The following IQANK1 variants were observed in gnomAD, a reference collection of about 807,000 sequenced individuals.
IQANK1 encodes IQ motif and ankyrin repeat domain-containing protein 1.
A neutral mutation model predicts 22.6 loss-of-function variants in IQANK1; 30 were observed. The observed-to-expected ratio is 1.33, with a 90% CI of 0.99 to 1.80. The LOEUF (loss-of-function observed/expected upper bound fraction) is 1.80. IQANK1 is among the 40% of genes most tolerant of loss of function. The probability of loss-of-function intolerance (pLI) is 0.00; values close to 1 mark genes in which losing one functional copy is unlikely to be tolerated. For missense variants in IQANK1, 275 were observed against 235.2 expected (o/e 1.17, Z -1.11); for synonymous variants, 122 against 99.6 (o/e 1.23, Z -1.34).
chr8:143,766,590 G>A (rs1554629241), intron 3 of IQANK1, among the ~76,000 whole-genome samples: 5 of 152,028 alleles, frequency 3.3e-5, no homozygotes. Context: ...AGAATCGCTT[G>A]AACCCGGGAG....
chr8:143,779,269 G>A (rs191647750), intron 7 of IQANK1, among the ~76,000 whole-genome samples: 6 of 151,910 alleles, frequency 3.9e-5, no homozygotes, highest in Middle Eastern at 3.4e-3. Context: ...ATTCATACAC[G>A]CATTCATGCT....
At chr8:143,777,990 C>T (rs1224143694) in intron 7 of IQANK1, among the ~76,000 whole-genome samples, 3 of 152,040 alleles carry the variant, frequency 2.0e-5, no homozygotes, top group Non-Finnish European at 2.9e-5. Flanking sequence ...GTCAGAAGAT[C>T]GAGACCATCC....
intron 3 of IQANK1, among the ~76,000 whole-genome samples, chr8:143,749,962 C>T (rs1230931142): frequency 4.6e-5 from 7 of 150,868 alleles, no homozygotes; most frequent in African/African-American, 7.3e-5. Context: ...TAATGTCCTT[C>T]TTTGTCTCTT....
rs1457089534 is a variant in IQANK1 at position 143,758,281 on chromosome 8, A to C, written c.176-13207A>C. ...GGAGTTCGAGGCCAGCCTGACCAAC[A>C]TGGAGAAACTTCGTCTCTACTGAAA... is the stretch of plus-strand genomic sequence containing the variant. On this transcript the variant is annotated intron_variant, in intron 3 of 13. Coordinates refer to ENST00000527139, the MANE Select transcript of IQANK1 (RefSeq NM_001381874.1). The surrounding 1 kb of genome is among the most constrained non-coding windows in gnomAD (Gnocchi z 4.2). 1 of 152,266 alleles carries C rather than the reference A, an allele frequency of 6.6e-6. No homozygotes were observed. Among genetic ancestry groups the C allele is most frequent in the Admixed American group, 6.6e-5 (1 of 15,266 alleles). 9.4% of individuals were successfully genotyped at this position (152,266 alleles called of 1,614,324 possible). A position where few individuals can be genotyped will look rare whatever the true frequency, so the allele number is the denominator to read the frequency against.
chr8:143,741,735 C>T (rs546414004), intron 3 of IQANK1: 222 of 153,316 alleles, frequency 1.4e-3, no homozygotes, highest in Non-Finnish European at 2.4e-3. Flanking sequence ...GCTGACTCAG[C>T]GCTTTCTGTG....
In IQANK1 at chr8:143,771,667, G is replaced by A; in HGVS notation, c.306+49G>A. 2.5e-6 allele frequency: 1 copy of A among 399,644 alleles called. No homozygotes were observed. Among genetic ancestry groups the A allele is most frequent in the East Asian group, 3.6e-5 (1 of 28,024 alleles). 24.8% of individuals were successfully genotyped at this position (399,644 alleles called of 1,614,324 possible). ...CCGGGGGCCAGGCAGGAGGCAGGGG[G>A]AGGAAATGGCGAAGCAGGGTGCGTG... On this transcript the variant is annotated intron_variant, in intron 4 of 13. Transcript: ENST00000527139. This position sits in a 1 kb window ranked among gnomAD's most constrained non-coding sequence, Gnocchi z 6.0.
At chr8:143,769,160 A>G (rs979708367) in intron 3 of IQANK1, among the ~76,000 whole-genome samples, 3 of 151,958 alleles carry the variant, frequency 2.0e-5, no homozygotes, top group Non-Finnish European at 1.5e-5. Flanking sequence ...CCTGGGCTCA[A>G]GCCATCTTCC....
At chr8:143,784,964 T>C (rs1554631198) in intron 7 of IQANK1, among the ~76,000 whole-genome samples, 2 of 152,260 alleles carry the variant, frequency 1.3e-5, no homozygotes, top group African/African-American at 2.4e-5. Context: ...TCTTGTGACA[T>C]GTCTTTCAGT....
intron 7 of IQANK1, among the ~76,000 whole-genome samples, chr8:143,788,051 C>T (rs1200446387): frequency 6.6e-6 from 1 of 152,190 alleles, no homozygotes; most frequent in Non-Finnish European, 1.5e-5. Flanking sequence ...AGTCTCCCTG[C>T]CCCACCCGGC....
chr8:143,782,359 G>C (rs1288644328), intron 7 of IQANK1, among the ~76,000 whole-genome samples: 3 of 152,226 alleles, frequency 2.0e-5, no homozygotes, highest in Admixed American at 6.5e-5. Context: ...GAATAGGAGT[G>C]ATGGGAGAGA....
chr8:143,748,553 T>G (rs1489232280), intron 3 of IQANK1, among the ~76,000 whole-genome samples: 1 of 134,618 alleles, frequency 7.4e-6, no homozygotes, highest in African/African-American at 2.8e-5. Context: ...TATATAAATA[T>G]AGATATATAT....
In IQANK1 at chr8:143,782,109, C is replaced by T. The variant is rs552801011; in HGVS notation, c.790-6806C>T. Among the ~76,000 whole-genome samples the T allele has an allele frequency of 8.5e-5, 13 of 152,266 alleles. No individual in the cohort carries two copies. The South Asian group carries it at 1.2e-3, about 15-fold the overall frequency. On this transcript the variant is annotated intron_variant, in intron 7 of 13. Coordinates refer to ENST00000527139, the MANE Select transcript of IQANK1 (RefSeq NM_001381874.1). ...GGGATTGCCTTTCTGATTTGGCATTCGGCTTGGCTGTTGCTGGTGTATAGG... is the reference window on the plus strand; with the variant it reads ...GGGATTGCCTTTCTGATTTGGCATTTGGCTTGGCTGTTGCTGGTGTATAGG...
At position 143,749,186 on chromosome 8, in the gene IQANK1, TATATATCATATATAA is replaced by T. The variant is rs1374260530; in HGVS notation, c.175+9253_175+9267del. Among the ~76,000 whole-genome samples the T allele has an allele frequency of 5.7e-5, 7 of 123,366 alleles. No individual in the cohort carries two copies. The South Asian group carries it at 1.2e-3, about 21-fold the overall frequency. 80.9% of individuals were successfully genotyped at this position (123,366 alleles called of 152,430 possible). ...TATATCAATATATATAATATATAAATATATATCATATATAAATATATCATATATATCATATATAAA... is the reference window on the plus strand; with the variant it reads ...TATATCAATATATATAATATATAAATATATATCATATATATCATATATAAA... On this transcript the variant is annotated intron_variant, in intron 3 of 13. Coordinates refer to ENST00000527139, the MANE Select transcript of IQANK1 (RefSeq NM_001381874.1).
intron 3 of IQANK1, among the ~76,000 whole-genome samples, chr8:143,748,241 C>T (rs547655505): frequency 7.9e-4 from 119 of 151,484 alleles, no homozygotes; most frequent in African/African-American, 2.6e-3. Context: ...GTGATCTACC[C>T]GACTTGGCTT....
chr8:143,735,842 C>A lies in IQANK1; in HGVS notation c.-4-8C>A, dbSNP rs1554625582. 5.7e-6 allele frequency: 4 copies of A among 702,084 alleles called. No individual in the cohort carries two copies. In the South Asian group the frequency reaches 5.9e-5, roughly 10 times the overall value. The allele number at this position is 702,084 out of a possible 1,614,324, so 43.5% of individuals were successfully genotyped here. On this transcript the variant is annotated splice_region_variant and splice_polypyrimidine_tract_variant and intron_variant, in intron 1 of 13. Transcript: ENST00000527139. This position sits in a 1 kb window ranked among gnomAD's most constrained non-coding sequence, Gnocchi z 5.2. ...CCTCTCCCTGGTCCTTCCCTACCCA[C>A]CCCCCAGGAGAATGGACAGTAAGAA...
intron 3 of IQANK1, 30 bp downstream of exon 3, chr8:143,739,978 G>C (rs889505952): frequency 1.5e-6 from 1 of 676,604 alleles, no homozygotes; most frequent in African/African-American, 1.8e-5. Context: ...GCGCCGCTGT[G>C]GGTGACCGGG....
intron 7 of IQANK1, among the ~76,000 whole-genome samples, chr8:143,780,876 C>T (rs192051592): frequency 1.3e-5 from 2 of 152,220 alleles, no homozygotes; most frequent in African/African-American, 4.8e-5. Context: ...GGTAGTTCTG[C>T]TTTTAGGTCT....
rs1402876567 is a variant in IQANK1, at chr8:143,771,091, C to G, written c.176-397C>G. On this transcript the variant is annotated intron_variant, in intron 3 of 13. Coordinates refer to ENST00000527139, the MANE Select transcript of IQANK1 (RefSeq NM_001381874.1). The surrounding 1 kb of genome is among the most constrained non-coding windows in gnomAD (Gnocchi z 6.0). The stretch of plus-strand genomic sequence containing the variant: ...GTGATGAGCCCTCCCAGGCCTGGGG[C>G]CCCCCCGCTCAGTCCAGCCTTCGCT... 6.6e-6 allele frequency among the ~76,000 whole-genome samples: 1 copy of G among 151,966 alleles called. No individual in the cohort carries two copies. The highest frequency in any genetic ancestry group is 1.5e-5 in the Non-Finnish European group (1 of 67,980).
intron 7 of IQANK1, among the ~76,000 whole-genome samples, chr8:143,786,298 T>A (rs1434525890): frequency 6.6e-6 from 1 of 152,202 alleles, no homozygotes; most frequent in African/African-American, 2.4e-5. Flanking sequence ...CTTCAGAGAT[T>A]AAGATGATTT....
Sources: allele counts gnomAD v4.1 joint callset (sites outside exome capture counted in the v4.1 genomes callset), GRCh38; gene constraint gnomAD v4.1.1; non-coding constraint Gnocchi (gnomAD v3.1); transcripts MANE v1.5; gene names NCBI Gene and HGNC (gene_info 2026-07-23, HGNC 2026-07-21).